The following DNAAF9 variants were observed in gnomAD, a reference collection of about 807,000 sequenced individuals.
DNAAF9 encodes the protein dynein axonemal assembly factor 9, also known as shulin.
DNAAF9 carries 90 observed loss-of-function variants against 167.0 expected under a neutral mutation model. That is an observed-to-expected ratio of 0.54 (90% CI 0.45 to 0.64). The LOEUF (loss-of-function observed/expected upper bound fraction) is 0.64, where lower values mean the gene tolerates loss of function less well. Ranked by LOEUF, DNAAF9 falls within the 30% of genes least tolerant of loss-of-function variation. DNAAF9 has a pLI of 0.00. For synonymous variants in DNAAF9, 491 were observed against 508.8 expected (o/e 0.96, Z 0.47); for missense variants, 1,315 against 1,442.2 (o/e 0.91, Z 1.43).
At chr20:3,276,115 C>G (rs1051853577) in intron 29 of DNAAF9, among the ~76,000 whole-genome samples, 4 of 152,178 alleles carry the variant, frequency 2.6e-5, no homozygotes, top group African/African-American at 9.7e-5. Context: ...TCTTATGAAT[C>G]GGGTAGCCTG....
rs117224147 is a variant in DNAAF9 at position 3,370,089 on chromosome 20, T to C, written c.612+3959A>G. On this transcript the variant is annotated intron_variant, in intron 6 of 36. Transcript: ENST00000252032. Reference sequence around the variant, plus strand: ...GGCAATGAAAAGGCTAACTGGAAGGTGTATATTCCTGATAACTGTTATGCA... The same window carrying C: ...GGCAATGAAAAGGCTAACTGGAAGGCGTATATTCCTGATAACTGTTATGCA... Among the ~76,000 whole-genome samples, 180 of 148,882 alleles carry C rather than the reference T, an allele frequency of 1.2e-3. 4 individuals carry two copies. In the East Asian group the frequency reaches 0.033, roughly 28 times the overall value.
intron 11 of DNAAF9, 48 bp downstream of exon 11, chr20:3,332,232 G>T: frequency 2.1e-6 from 2 of 964,306 alleles, no homozygotes; most frequent in Non-Finnish European, 3.3e-6. Context: ...TCATGGGACA[G>T]ACTATTCATT....
At chr20:3,319,689 G>A (rs1413972498) in intron 16 of DNAAF9, among the ~76,000 whole-genome samples, 2 of 152,120 alleles carry the variant, frequency 1.3e-5, no homozygotes, top group African/African-American at 2.4e-5. Flanking sequence ...GCTCTTGAAC[G>A]GATTGCTGAA....
chr20:3,256,107 A>T lies in DNAAF9; in HGVS notation c.3160T>A (p.Ser1054Thr), dbSNP rs1217622064. 1.2e-6 allele frequency: 2 copies of T among 1,614,140 alleles called. No individual in the cohort carries two copies. The highest frequency in any genetic ancestry group is 1.7e-6 in the Non-Finnish European group (2 of 1,180,024). ...TCCTGCTGCCCGCTGCTGTCTTGAG[A>T]TACGCTTTTGGAGTCTGGTGGTGGT... is the stretch of plus-strand genomic sequence containing the variant. ...PTPPPDSKSV[S>T]QDSSGQQECY... The change falls in exon 34 of 37, where the codon TCT (serine) becomes ACT (threonine). Residue 1054 changes from serine to threonine, a missense_variant. This residue lies in a region of DNAAF9 where 334 missense variants were observed against 429.7 expected (regional missense o/e 0.78). Transcript: ENST00000252032.
chr20:3,291,609 C>T (rs192910838), intron 25 of DNAAF9, among the ~76,000 whole-genome samples: 12 of 152,272 alleles, frequency 7.9e-5, no homozygotes, highest in Admixed American at 2.0e-4. Flanking sequence ...TCCCAAAGTG[C>T]TGGGATTACA....
chr20:3,371,407 T>A (rs977233060), intron 6 of DNAAF9, among the ~76,000 whole-genome samples: 1 of 142,940 alleles, frequency 7.0e-6, no homozygotes, highest in African/African-American at 2.6e-5. Context: ...GCAGTGGCGC[T>A]ATCTCGGCTC....
chr20:3,316,242 G>A (rs1479748341), intron 18 of DNAAF9, among the ~76,000 whole-genome samples: 1 of 152,208 alleles, frequency 6.6e-6, no homozygotes, highest in Non-Finnish European at 1.5e-5. Context: ...ACTAACTGCT[G>A]TCACACCTTT....
intron 1 of DNAAF9, among the ~76,000 whole-genome samples, chr20:3,389,906 T>C (rs1158756458): frequency 6.6e-6 from 1 of 151,920 alleles, no homozygotes; most frequent in Non-Finnish European, 1.5e-5. Flanking sequence ...CGTGATGGCG[T>C]GCGCCTGTAA....
intron 10 of DNAAF9, among the ~76,000 whole-genome samples, chr20:3,337,806 G>A (rs1157162614): frequency 6.6e-6 from 1 of 151,690 alleles, no homozygotes; most frequent in Non-Finnish European, 1.5e-5. Context: ...TTACATTGCT[G>A]CCACTCACTC....
chr20:3,326,723 G>C (rs921587593), intron 12 of DNAAF9, among the ~76,000 whole-genome samples: 4 of 148,798 alleles, frequency 2.7e-5, no homozygotes, highest in Admixed American at 2.0e-4. Context: ...ACTCCAGCCT[G>C]GGTGACAGAG....
chr20:3,296,689 C>A, intron 23 of DNAAF9, 172 bp downstream of exon 23: 1 of 630,134 alleles, frequency 1.6e-6, no homozygotes, highest in Non-Finnish European at 2.8e-6. Context: ...CCCTCTCTTG[C>A]CTTCTATTCC....
intron 7 of DNAAF9, among the ~76,000 whole-genome samples, chr20:3,356,190 G>A (rs1001196681): frequency 5.9e-5 from 9 of 152,038 alleles, no homozygotes; most frequent in Admixed American, 3.9e-4. Context: ...GCTAATTTTT[G>A]TATTTTTAGT....
chr20:3,366,956 A>T (rs187517524), intron 6 of DNAAF9, among the ~76,000 whole-genome samples: 2 of 151,918 alleles, frequency 1.3e-5, no homozygotes, highest in Non-Finnish European at 2.9e-5. Flanking sequence ...TTAAAAAAAT[A>T]AAAATAAAAA....
At chr20:3,290,249 T>G in intron 25 of DNAAF9, 32 bp from the exon 26 acceptor site, 3 of 1,290,498 alleles carry the variant, frequency 2.3e-6, no homozygotes, top group South Asian at 1.2e-5. Context: ...GGTTTGCAAT[T>G]CAACTGCATT....
At chr20:3,270,969 T>C (rs1440597621) in intron 29 of DNAAF9, among the ~76,000 whole-genome samples, 1 of 151,966 alleles carries the variant, frequency 6.6e-6, no homozygotes, top group African/African-American at 2.4e-5. Context: ...CCCGCAACCA[T>C]GCCTGGCTAA....
At chr20:3,407,441 C>G in intron 1 of DNAAF9, 34 bp downstream of exon 1, 1 of 1,283,744 alleles carries the variant, frequency 7.8e-7, no homozygotes, top group African/African-American at 1.5e-5. Flanking sequence ...CATCCCCCGC[C>G]CGGCCGCCCC....
At position 3,270,492 on chromosome 20, in the gene DNAAF9, C is replaced by G; in HGVS notation, c.2721G>C (p.Gln907His). The G allele has an allele frequency of 6.2e-7, 1 of 1,613,442 alleles. No homozygotes were observed. Among genetic ancestry groups the G allele is most frequent in the Non-Finnish European group, 8.5e-7 (1 of 1,179,500 alleles). ...EQRHPLLVQLQSLIRAANPAA... is the reference protein window; with the variant it reads ...EQRHPLLVQLHSLIRAANPAA... ...CAGGATTGGCAGCCCTGATGAGGCT[C>G]TGCAGCTGAACAAGGAGAGGGTGCC... Residue 907 changes from glutamine (Q) to histidine (H), a missense_variant, in exon 30 of 37, where the codon CAG becomes CAC. Transcript: ENST00000252032.
At chr20:3,297,467 C>A (rs1172932893) in intron 22 of DNAAF9, among the ~76,000 whole-genome samples, 3 of 152,218 alleles carry the variant, frequency 2.0e-5, no homozygotes, top group Non-Finnish European at 4.4e-5. Flanking sequence ...GAGGGAGGAA[C>A]ACTGTCCCCT....
At chr20:3,305,174 G>A (rs2236107) in intron 20 of DNAAF9, among the ~76,000 whole-genome samples, 25,276 of 152,194 alleles carry the variant, frequency 0.17, 2,274 homozygotes, top group Non-Finnish European at 0.19. Context: ...GTTGTTTCCT[G>A]GATGGTCAAG....
Sources: gnomAD v4.1 joint callset for allele counts (sites outside exome capture counted in the v4.1 genomes callset) on GRCh38, gnomAD v4.1.1 for gene constraint, gnomAD v4.1.1 regional missense constraint, MANE v1.5 for transcripts, NCBI Gene and HGNC (gene_info 2026-07-23, HGNC 2026-07-21) for gene names.